PITPNM2: variants seen among roughly 807,000 people sequenced by gnomAD.
PITPNM2 encodes phosphatidylinositol transfer protein membrane associated 2.
A neutral mutation model predicts 132.2 loss-of-function variants in PITPNM2; 35 were observed. That is an observed-to-expected ratio of 0.26 (90% CI 0.20 to 0.35). The LOEUF (loss-of-function observed/expected upper bound fraction) is 0.35. Ranked by LOEUF, PITPNM2 falls within the 10% of genes least tolerant of loss-of-function variation. PITPNM2 has a pLI of 1.00. For synonymous variants in PITPNM2, 738 were observed against 799.2 expected (o/e 0.92, Z 1.29); for missense variants, 1,332 against 1,912.0 (o/e 0.70, Z 5.66).
intron 1 of PITPNM2, among the ~76,000 whole-genome samples, chr12:123,126,333 C>T (rs2043141412): frequency 6.6e-6 from 1 of 152,184 alleles, no homozygotes; most frequent in African/African-American, 2.4e-5. Flanking sequence ...CTATTAACCT[C>T]TCACTCTTGC....
rs2043726909 is a variant in PITPNM2, at chr12:123,150,810, A to G, written c.-257T>C. 6.8e-6 allele frequency among the ~76,000 whole-genome samples: 1 copy of G among 146,470 alleles called. No homozygotes were observed. The highest frequency in any genetic ancestry group is 1.5e-5 in the Non-Finnish European group (1 of 65,936). ...TCGGGGCCCCGGCTGGGCCGCCGCC[A>G]CCTCACGCCGCCTCACGGGGAGCGC... On this transcript the variant is annotated 5_prime_UTR_variant, in exon 1 of 26. Coordinates refer to ENST00000320201, the MANE Select transcript of PITPNM2 (RefSeq NM_020845.3). This position sits in a 1 kb window ranked among gnomAD's most constrained non-coding sequence, Gnocchi z 6.0.
Position 123,000,912 on chromosome 12 carries a change from G to A in PITPNM2, c.1154-64C>T, listed in dbSNP as rs754871531. 149 of 1,592,262 alleles carry A rather than the reference G, an allele frequency of 9.4e-5. No individual in the cohort carries two copies. The highest frequency in any genetic ancestry group is 1.8e-4 in the Admixed American group (11 of 59,770). The stretch of plus-strand genomic sequence containing the variant: ...AGCCCAACCTGGCCGACCGGACAGA[G>A]GCTGCAACTGTGACGAGGGGAGCTT... On this transcript the variant is annotated intron_variant, in intron 9 of 25. Transcript: ENST00000320201. This position sits in a 1 kb window ranked among gnomAD's most constrained non-coding sequence, Gnocchi z 5.4.
rs1283013349 is a variant in PITPNM2, at chr12:123,058,702, A to C, written c.-95-24017T>G. 6.6e-6 allele frequency among the ~76,000 whole-genome samples: 1 copy of C among 152,160 alleles called. No individual in the cohort carries two copies. Among genetic ancestry groups the C allele is most frequent in the East Asian group, 1.9e-4 (1 of 5,200 alleles). On this transcript the variant is annotated intron_variant, in intron 2 of 25. Transcript: ENST00000320201. This position sits in a 1 kb window ranked among gnomAD's most constrained non-coding sequence, Gnocchi z 4.0. ...AACTGTTGCCTGAGGCATTTGCTCA[A>C]GGCCCCAAGCGCTGTAGAAGCTGGT...
At chr12:123,132,746 C>A (rs2137568121) in intron 1 of PITPNM2, among the ~76,000 whole-genome samples, 1 of 152,094 alleles carries the variant, frequency 6.6e-6, no homozygotes, top group Non-Finnish European at 1.5e-5. Context: ...ATTCTAGGTA[C>A]CTCATATAAG....
At chr12:123,146,387 G>A (rs1442328068) in intron 1 of PITPNM2, among the ~76,000 whole-genome samples, 2 of 152,066 alleles carry the variant, frequency 1.3e-5, no homozygotes, top group Admixed American at 1.3e-4. Context: ...TGGAGGTCAG[G>A]AGTTCGAGAC....
At chr12:122,996,617 C>T (rs1184411433) in intron 12 of PITPNM2, 40 bp from the exon 13 acceptor site, 2 of 1,612,626 alleles carry the variant, frequency 1.2e-6, no homozygotes, top group Non-Finnish European at 1.7e-6. Context: ...CATTCACCCG[C>T]TCGCTGGACT....
chr12:123,119,285 G>A (rs1051457168), intron 1 of PITPNM2, among the ~76,000 whole-genome samples: 4 of 152,038 alleles, frequency 2.6e-5, no homozygotes, highest in African/African-American at 2.4e-5. Context: ...TGTCATGCTC[G>A]GGAGGTAGGG....
In PITPNM2 at chr12:123,009,918, T is replaced by C; in HGVS notation, c.575A>G (p.Lys192Arg). The change falls in exon 6 of 26, where the codon AAG (lysine) becomes AGG (arginine). Residue 192 changes from lysine (K) to arginine (R), a missense_variant. Around this residue, in one of 6 missense-constraint regions of PITPNM2, gnomAD observed 122 missense variants for 209.6 expected, o/e 0.58. Transcript: ENST00000320201. This position sits in a 1 kb window ranked among gnomAD's most constrained non-coding sequence, Gnocchi z 4.8. The part of the protein sequence containing the change: ...KQVFPIMCAY[K>R]LCKVEFRYWG... ...GTAGCGGAACTCCACCTTGCAGAGC[T>C]TGTATGCGCACATGATGGGGAAGAC... 1.9e-6 allele frequency: 3 copies of C among 1,614,158 alleles called. No homozygotes were observed. Among genetic ancestry groups the C allele is most frequent in the Non-Finnish European group, 2.5e-6 (3 of 1,180,020 alleles).
At chr12:123,121,802 CTT>C (rs2043037621) in intron 1 of PITPNM2, among the ~76,000 whole-genome samples, 1 of 151,948 alleles carries the variant, frequency 6.6e-6, no homozygotes, top group Admixed American at 6.6e-5. Flanking sequence ...GCCTCTGCCT[CTT>C]GAGTCCCTGA....
intron 2 of PITPNM2, among the ~76,000 whole-genome samples, chr12:123,057,645 G>A (rs527765998): frequency 1.5e-4 from 23 of 152,314 alleles, no homozygotes; most frequent in African/African-American, 5.3e-4. Context: ...TGGGGCGCCC[G>A]GCCAGAACCT....
At chr12:123,073,297 A>G (rs1295258907) in intron 2 of PITPNM2, among the ~76,000 whole-genome samples, 2 of 152,194 alleles carry the variant, frequency 1.3e-5, no homozygotes, top group Non-Finnish European at 2.9e-5. Flanking sequence ...CAAAAGCAGC[A>G]ATTGCTTCCC....
chr12:123,098,459 C>G (rs543405749), intron 2 of PITPNM2, among the ~76,000 whole-genome samples: 1 of 152,192 alleles, frequency 6.6e-6, no homozygotes, highest in East Asian at 1.9e-4. Flanking sequence ...AATCCCAGCA[C>G]TTTGGGAAAC....
At chr12:123,034,386 C>G (rs1353617036) in intron 3 of PITPNM2, 127 bp downstream of exon 3, 1 of 862,448 alleles carries the variant, frequency 1.2e-6, no homozygotes, top group African/African-American at 1.7e-5. Flanking sequence ...ACAATTCACA[C>G]TTACCAGGAA....
At chr12:123,001,026 G>A (rs769583073) in intron 9 of PITPNM2, 28 bp downstream of exon 9, 21 of 1,598,762 alleles carry the variant, frequency 1.3e-5, no homozygotes, top group Non-Finnish European at 1.8e-5. Flanking sequence ...CCCTCCCCAG[G>A]CTCTGCAGCA....
intron 2 of PITPNM2, among the ~76,000 whole-genome samples, chr12:123,049,337 G>A (rs1214577113): frequency 6.6e-6 from 1 of 152,114 alleles, no homozygotes; most frequent in Admixed American, 6.5e-5. Context: ...TCTGTTGCCC[G>A]CAGAACTTTG....
At position 123,009,234 on chromosome 12, in the gene PITPNM2, T is replaced by C. The variant is rs2039072531; in HGVS notation, c.643+616A>G. On this transcript the variant is annotated intron_variant, in intron 6 of 25. Transcript: ENST00000320201. This position sits in a 1 kb window ranked among gnomAD's most constrained non-coding sequence, Gnocchi z 4.8. ...CAGCTCTTGGAATGACATCATGCTATGACCTCGGCAGAGGGGGGTTTAGGG... is the reference window on the plus strand; with the variant it reads ...CAGCTCTTGGAATGACATCATGCTACGACCTCGGCAGAGGGGGGTTTAGGG... 6.6e-6 allele frequency among the ~76,000 whole-genome samples: 1 copy of C among 152,186 alleles called. No homozygotes were observed. Among genetic ancestry groups the C allele is most frequent in the African/African-American group, 2.4e-5 (1 of 41,446 alleles).
In PITPNM2 at chr12:123,117,031, G is replaced by A. The variant is rs186671216; in HGVS notation, c.-199-6543C>T. The stretch of plus-strand genomic sequence containing the variant: ...GCATTTTGCATCACTATGTTTGGAC[G>A]TACTCTGTTAAGCAGCAATAGGTAA... On this transcript the variant is annotated intron_variant, in intron 1 of 25. Coordinates refer to ENST00000320201, the MANE Select transcript of PITPNM2 (RefSeq NM_020845.3). This position sits in a 1 kb window ranked among gnomAD's most constrained non-coding sequence, Gnocchi z 4.7. 3.3e-5 allele frequency among the ~76,000 whole-genome samples: 5 copies of A among 152,346 alleles called. 1 individual carries two copies. Among genetic ancestry groups the A allele is most frequent in the Middle Eastern group, 3.4e-3 (1 of 294 alleles).
chr12:123,092,113 C>G (rs750705315), intron 2 of PITPNM2: 3 of 152,210 alleles, frequency 2.0e-5, no homozygotes, highest in African/African-American at 7.2e-5. Context: ...CACCTACACA[C>G]TGGAGTGGGT....
intron 2 of PITPNM2, among the ~76,000 whole-genome samples, chr12:123,084,957 G>C (rs974926343): frequency 2.0e-5 from 3 of 152,186 alleles, no homozygotes; most frequent in African/African-American, 7.2e-5. Flanking sequence ...TCAAGGGTCA[G>C]CTCTGAGCTG....
Sources: allele counts gnomAD v4.1 joint callset (sites outside exome capture counted in the v4.1 genomes callset), GRCh38; gene constraint gnomAD v4.1.1; regional missense constraint gnomAD v4.1.1; non-coding constraint Gnocchi (gnomAD v3.1); transcripts MANE v1.5; gene names NCBI Gene and HGNC (gene_info 2026-07-23, HGNC 2026-07-21).